The following GART variants were observed in gnomAD, a reference collection of about 807,000 sequenced individuals.
GART encodes the protein trifunctional purine biosynthetic protein adenosine-3.
GART carries 43 observed loss-of-function variants against 107.2 expected under a neutral mutation model. That is an observed-to-expected ratio of 0.40 (90% CI 0.31 to 0.52). GART has a LOEUF of 0.52. Among genes scored for constraint, GART ranks in the 20% least tolerant of loss-of-function variants. GART has a pLI of 0.52. For missense variants in GART, 1,107 were observed against 1,206.5 expected (o/e 0.92, Z 1.22); for synonymous variants, 434 against 427.0 (o/e 1.02, Z -0.20).
In GART at chr21:33,530,856, A is replaced by G; in HGVS notation, c.626T>C (p.Val209Ala). 6.5e-7 allele frequency: 1 copy of G among 1,529,132 alleles called. No individual in the cohort carries two copies. The highest frequency in any genetic ancestry group is 8.7e-7 in the Non-Finnish European group (1 of 1,149,458). The allele number at this position is 1,529,132 out of a possible 1,614,324, so 94.7% of individuals were successfully genotyped here. A position where few individuals can be genotyped will look rare whatever the true frequency, so the allele number is the denominator to read the frequency against. Residue 209 changes from valine (V) to alanine (A), a missense_variant, in exon 7 of 22, where the codon GTG (valine) becomes GCG (alanine). Coordinates refer to ENST00000381815, the MANE Select transcript of GART (RefSeq NM_000819.5). The part of the protein sequence containing the change: ...SCLCFTDGKT[V>A]APMPPAQDHK... Reference sequence around the variant, plus strand: ...GTCCTGTGCTGGGGGCATGGGGGCCACAGTCTTGCCATCAGTGAAACACAG... The same window carrying G: ...GTCCTGTGCTGGGGGCATGGGGGCCGCAGTCTTGCCATCAGTGAAACACAG...
At chr21:33,506,342 C>T (rs979485773) in intron 18 of GART, among the ~76,000 whole-genome samples, 1 of 152,102 alleles carries the variant, frequency 6.6e-6, no homozygotes, top group Non-Finnish European at 1.5e-5. Flanking sequence ...TGGGGTTTCA[C>T]CACGTTGGCC....
rs1396846171 is a variant in GART at position 33,541,258 on chromosome 21, C to T, written c.-42+807G>A. ...CTCCCGGGTTCAAGCGATTCTCTTG[C>T]CTCACAGCCTCCCAAGTAGCTGGGA... On this transcript the variant is annotated intron_variant, in intron 1 of 21. Coordinates refer to ENST00000381815, the MANE Select transcript of GART (RefSeq NM_000819.5). 2.0e-5 allele frequency among the ~76,000 whole-genome samples: 3 copies of T among 152,316 alleles called. No individual in the cohort carries two copies. In the East Asian group the frequency reaches 5.8e-4, roughly 29 times the overall value.
At chr21:33,540,413 C>T (rs1478561294) in intron 1 of GART, among the ~76,000 whole-genome samples, 1 of 152,194 alleles carries the variant, frequency 6.6e-6, no homozygotes, top group Non-Finnish European at 1.5e-5. Flanking sequence ...TTTTCTCAAT[C>T]ATTCATATTT....
intron 1 of GART, among the ~76,000 whole-genome samples, chr21:33,540,743 G>A (rs922194953): frequency 1.3e-5 from 2 of 152,202 alleles, no homozygotes; most frequent in East Asian, 3.8e-4. Flanking sequence ...TTATTTTGAT[G>A]ATGTTGGGAT....
At chr21:33,516,148 T>TGA (rs979970858) in intron 16 of GART, among the ~76,000 whole-genome samples, 1 of 149,406 alleles carries the variant, frequency 6.7e-6, no homozygotes, top group African/African-American at 2.5e-5. Context: ...CTTGGGAGGC[T>TGA]GAGGCAGGAT....
intron 1 of GART, 26 bp downstream of exon 1, chr21:33,542,039 T>C (rs2085444299): frequency 6.6e-6 from 1 of 152,172 alleles, no homozygotes; most frequent in Non-Finnish European, 1.5e-5. Context: ...GCGCGCTCCG[T>C]GTAAAAGCGG....
chr21:33,539,963 T>C (rs1667555871), intron 1 of GART, among the ~76,000 whole-genome samples: 2 of 152,348 alleles, frequency 1.3e-5, no homozygotes, highest in Middle Eastern at 6.8e-3. Context: ...ATAATCATCA[T>C]GCCTTAGTTA....
At chr21:33,506,125 C>CA (rs2084676276) in intron 18 of GART, 21 bp from the exon 19 acceptor site, 5 of 1,606,432 alleles carry the variant, frequency 3.1e-6, no homozygotes, top group Non-Finnish European at 4.2e-6. Flanking sequence ...AGAAAAACAG[C>CA]AGTGAGCTCA....
intron 2 of GART, among the ~76,000 whole-genome samples, chr21:33,538,255 A>AC (rs1277607037): frequency 2.7e-4 from 41 of 151,748 alleles, no homozygotes; most frequent in African/African-American, 9.7e-4. Flanking sequence ...AAAAAAAAAA[A>AC]AAAAAAAGTC....
rs1322944371 is a variant in GART, at chr21:33,528,553, T to C, written c.863A>G (p.Glu288Gly). ...MLTKNGPKVL[E>G]FNCRFGDPEC... is the part of the protein sequence containing the mutation. ...TGGATCACCAAAACGGCAATTAAACTCTAGAACTTTTGGGCCATTCTTGGT... is the reference window on the plus strand; with the variant it reads ...TGGATCACCAAAACGGCAATTAAACCCTAGAACTTTTGGGCCATTCTTGGT... The change falls in exon 9 of 22, where the codon GAG (glutamate) becomes GGG (glycine). Residue 288 changes from glutamate to glycine, a missense_variant. By Grantham distance (98) the Glu-to-Gly change is moderately conservative. Transcript: ENST00000381815. 1.2e-6 allele frequency: 2 copies of C among 1,608,346 alleles called. No individual in the cohort carries two copies. The highest frequency in any genetic ancestry group is 1.7e-6 in the Non-Finnish European group (2 of 1,178,896).
intron 16 of GART, among the ~76,000 whole-genome samples, chr21:33,516,246 TAAAAAAAAAAAA>T (rs11321647): frequency 1.1e-5 from 1 of 95,178 alleles, no homozygotes; most frequent in Non-Finnish European, 2.0e-5. Context: ...AGACTCTGTC[TAAAAAAAAAAAA>T]AAAAAAAAAA....
At chr21:33,513,388 G>C (rs1361458205) in intron 16 of GART, among the ~76,000 whole-genome samples, 1 of 151,954 alleles carries the variant, frequency 6.6e-6, no homozygotes, top group East Asian at 2.0e-4. Flanking sequence ...TGGCCAACAT[G>C]ATGAAACCCC....
At chr21:33,517,891 A>G (rs2084907066) in intron 14 of GART, among the ~76,000 whole-genome samples, 1 of 152,238 alleles carries the variant, frequency 6.6e-6, no homozygotes. Context: ...TCAGTTGAAT[A>G]TAACATCATT....
Position 33,509,921 on chromosome 21 carries a change from C to A in GART, c.2315-1G>T. The A allele has an allele frequency of 1.2e-6, 2 of 1,608,120 alleles. No homozygotes were observed. The highest frequency in any genetic ancestry group is 1.7e-6 in the Non-Finnish European group (2 of 1,177,716). On this transcript the variant is annotated splice_acceptor_variant, in intron 17 of 21. Transcript: ENST00000381815. LOFTEE classifies it high-confidence loss of function. ...TTCTTGACTTTCACACGTGGGGAACCTTCATTTCAAACATATCCATAAATA... is the reference window on the plus strand; with the variant it reads ...TTCTTGACTTTCACACGTGGGGAACATTCATTTCAAACATATCCATAAATA...
intron 16 of GART, among the ~76,000 whole-genome samples, chr21:33,512,210 G>C (rs2084796376): frequency 6.6e-6 from 1 of 150,516 alleles, no homozygotes; most frequent in South Asian, 2.1e-4. Context: ...CTTAAACCTG[G>C]GAGGTGGAGG....
intron 12 of GART, among the ~76,000 whole-genome samples, chr21:33,521,631 CAAAAAAAAAAAAA>C (rs571421187): frequency 1.8e-5 from 1 of 54,442 alleles, no homozygotes; most frequent in Non-Finnish European, 3.8e-5. Context: ...GACTTTGTCT[CAAAAAAAAAAAAA>C]AAAAAAAAGG....
chr21:33,506,541 A>T (rs1357908504), intron 18 of GART, among the ~76,000 whole-genome samples: 1 of 147,218 alleles, frequency 6.8e-6, no homozygotes, highest in East Asian at 1.9e-4. Flanking sequence ...TGAGGCTTCT[A>T]AATTCCCTTT....
chr21:33,527,408 C>T (rs1388480155), intron 10 of GART, among the ~76,000 whole-genome samples: 2 of 152,038 alleles, frequency 1.3e-5, no homozygotes, highest in African/African-American at 4.8e-5. Flanking sequence ...AATCCAGTTA[C>T]TTGGGAGGCT....
chr21:33,511,356 G>A lies in GART; in HGVS notation c.2210C>T (p.Ala737Val). 1 of 1,614,152 alleles carries A rather than the reference G, an allele frequency of 6.2e-7. No homozygotes were observed. Among genetic ancestry groups the A allele is most frequent in the Middle Eastern group, 1.6e-4 (1 of 6,062 alleles). The change falls in exon 17 of 22, where the codon GCT becomes GTT. Residue 737 changes from alanine to valine, a missense_variant. Transcript: ENST00000381815. ...CTGCTCCTTTGATACCACAAGGACA[G>A]CGCCAACCCCACAGTTAAATGTTCT... is the stretch of plus-strand genomic sequence containing the variant. Reference protein sequence around the residue: ...MARTFNCGVGAVLVVSKEQTE... With the variant: ...MARTFNCGVGVVLVVSKEQTE...
Sources: allele counts gnomAD v4.1 joint callset (sites outside exome capture counted in the v4.1 genomes callset), GRCh38; gene constraint gnomAD v4.1.1; transcripts MANE v1.5; gene names NCBI Gene and HGNC (gene_info 2026-07-23, HGNC 2026-07-21).